SSBP2: variants seen among roughly 807,000 people sequenced by gnomAD.
SSBP2 encodes single-stranded DNA-binding protein 2.
Under a neutral mutation model 61.8 loss-of-function variants are expected in SSBP2, and 17 were observed. That is an observed-to-expected ratio of 0.28 (90% CI 0.19 to 0.41). The LOEUF (loss-of-function observed/expected upper bound fraction) is 0.41. Ranked by LOEUF, SSBP2 falls within the 10% of genes least tolerant of loss-of-function variation. The pLI, the probability that SSBP2 is intolerant of heterozygous loss-of-function variation, is 1.00. For synonymous variants in SSBP2, 139 were observed against 141.3 expected, an observed-to-expected ratio of 0.98 and a Z score of 0.12; for missense variants, 310 against 458.7, an observed-to-expected ratio of 0.68 and a Z score of 2.96.
At chr5:81,661,111 G>A (rs773547028) in intron 1 of SSBP2, among the ~76,000 whole-genome samples, 4 of 152,132 alleles carry the variant, frequency 2.6e-5, no homozygotes, top group Non-Finnish European at 5.9e-5. Flanking sequence ...CCACAATGGC[G>A]CATGTATACT....
upstream of SSBP2, chr5:81,751,161 C>A (rs1427465807): frequency 1.2e-5 from 13 of 1,068,008 alleles, no homozygotes; most frequent in African/African-American, 4.7e-5. Context: ...CCGCCCCACG[C>A]CAAAGCTCCG....
chr5:81,736,298 A>T (rs1756623322), intron 1 of SSBP2, among the ~76,000 whole-genome samples: 2 of 152,222 alleles, frequency 1.3e-5, no homozygotes. Flanking sequence ...CTTTTCTGGC[A>T]GGGTTTACCT....
At chr5:81,489,359 A>G in intron 5 of SSBP2, 50 bp from the exon 6 acceptor site, 1 of 1,451,178 alleles carries the variant, frequency 6.9e-7, no homozygotes, top group East Asian at 2.4e-5. Context: ...AGTACAATGT[A>G]AAATACATAT....
chr5:81,663,434 TTTTAAC>T (rs1439210939), intron 1 of SSBP2, among the ~76,000 whole-genome samples: 1 of 152,122 alleles, frequency 6.6e-6, no homozygotes, highest in Non-Finnish European at 1.5e-5. Context: ...AGAAAAGATT[TTTTAAC>T]TTTGTGAACA....
chr5:81,655,266 T>A (rs915105908), intron 1 of SSBP2, among the ~76,000 whole-genome samples: 11 of 152,316 alleles, frequency 7.2e-5, no homozygotes, highest in Non-Finnish European at 1.5e-4. Flanking sequence ...TGAATTAACA[T>A]CTTCCTTTTC....
chr5:81,683,387 T>C (rs1017105200), intron 1 of SSBP2, among the ~76,000 whole-genome samples: 1 of 152,150 alleles, frequency 6.6e-6, no homozygotes, highest in African/African-American at 2.4e-5. Flanking sequence ...GGAGCAAAGA[T>C]AGTCTTTGAA....
chr5:81,508,177 C>T (rs958662792), intron 5 of SSBP2, among the ~76,000 whole-genome samples: 1 of 152,070 alleles, frequency 6.6e-6, no homozygotes, highest in Non-Finnish European at 1.5e-5. Context: ...CACACCATAC[C>T]AAGATACTGT....
At chr5:81,541,552 T>C (rs1271124493) in intron 4 of SSBP2, among the ~76,000 whole-genome samples, 1 of 151,918 alleles carries the variant, frequency 6.6e-6, no homozygotes, top group Non-Finnish European at 1.5e-5. Context: ...CAAAACAGCA[T>C]GGTACTGGTC....
intron 1 of SSBP2, among the ~76,000 whole-genome samples, chr5:81,718,361 T>C (rs1358980585): frequency 6.6e-6 from 1 of 151,578 alleles, no homozygotes. Flanking sequence ...ATTCGAATGC[T>C]GAGAAAAAAT....
chr5:81,577,633 A>G (rs1017023373), intron 4 of SSBP2, among the ~76,000 whole-genome samples: 1 of 152,106 alleles, frequency 6.6e-6, no homozygotes, highest in Non-Finnish European at 1.5e-5. Flanking sequence ...GCACAAAATT[A>G]GAACGAAAGC....
intron 5 of SSBP2, 152 bp from the exon 6 acceptor site, chr5:81,489,461 G>C: frequency 1.7e-6 from 1 of 589,780 alleles, no homozygotes; most frequent in Non-Finnish European, 2.8e-6. Context: ...ATGCTTTTAA[G>C]AAAAATTACC....
At chr5:81,627,683 T>C (rs770129039) in intron 3 of SSBP2, among the ~76,000 whole-genome samples, 27 of 152,216 alleles carry the variant, frequency 1.8e-4, no homozygotes, top group Non-Finnish European at 3.4e-4. Flanking sequence ...TACAATGTTA[T>C]ATATATTTGA....
At chr5:81,454,234 G>C (rs185397073) in intron 10 of SSBP2, among the ~76,000 whole-genome samples, 76 of 152,288 alleles carry the variant, frequency 5.0e-4, no homozygotes, top group Non-Finnish European at 7.4e-4. Flanking sequence ...CTCTAGAGGA[G>C]TAGAGAACTA....
chr5:81,687,997 T>G (rs1561693462), intron 1 of SSBP2, among the ~76,000 whole-genome samples: 1 of 152,160 alleles, frequency 6.6e-6, no homozygotes, highest in African/African-American at 2.4e-5. Flanking sequence ...AAGGGTACTT[T>G]GTCTTGCAGC....
chr5:81,685,340 T>A (rs887232132), intron 1 of SSBP2, among the ~76,000 whole-genome samples: 1 of 152,182 alleles, frequency 6.6e-6, no homozygotes, highest in Non-Finnish European at 1.5e-5. Flanking sequence ...ATAGGATATA[T>A]AAGAATGAAC....
At chr5:81,670,523 TAA>T (rs1359353233) in intron 1 of SSBP2, among the ~76,000 whole-genome samples, 4 of 152,146 alleles carry the variant, frequency 2.6e-5, no homozygotes, top group African/African-American at 7.2e-5. Context: ...ACTGTAACAA[TAA>T]GTTATGTCAA....
At chr5:81,740,426 A>T (rs915236072) in intron 1 of SSBP2, among the ~76,000 whole-genome samples, 4 of 152,218 alleles carry the variant, frequency 2.6e-5, no homozygotes, top group Non-Finnish European at 4.4e-5. Flanking sequence ...AATGACAAAT[A>T]GCACATAATG....
At chr5:81,698,777 C>T (rs1057446425) in intron 1 of SSBP2, among the ~76,000 whole-genome samples, 1 of 152,186 alleles carries the variant, frequency 6.6e-6, no homozygotes, top group Non-Finnish European at 1.5e-5. Context: ...CACTGTACTC[C>T]AGCCTAGGTG....
chr5:81,416,780 C>T lies in SSBP2; in HGVS notation c.*3724G>A, dbSNP rs991497395. The T allele has an allele frequency of 6.6e-6, 1 of 152,086 alleles. No homozygotes were observed. The allele number at this position is 152,086 out of a possible 1,614,324, so 9.4% of individuals were successfully genotyped here. On this transcript the variant is annotated 3_prime_UTR_variant, in exon 17 of 17. Transcript: ENST00000320672. Reference sequence around the variant, plus strand: ...ATAGAAATGGAAGTTTTATTTTATTCTGGAGGGAAAGGGCTGTTTTGGGCA... The same window carrying T: ...ATAGAAATGGAAGTTTTATTTTATTTTGGAGGGAAAGGGCTGTTTTGGGCA...
Sources: gnomAD v4.1 joint callset for allele counts (sites outside exome capture counted in the v4.1 genomes callset) on GRCh38, gnomAD v4.1.1 for gene constraint, MANE v1.5 for transcripts, NCBI Gene and HGNC (gene_info 2026-07-23, HGNC 2026-07-21) for gene names.